Variants in GLRB observed in about 807,000 individuals in gnomAD.
GLRB encodes glycine receptor subunit beta.
GLRB carries 33 observed loss-of-function variants against 54.2 expected under a neutral mutation model. That is an observed-to-expected ratio of 0.61 (90% CI 0.46 to 0.81). GLRB has a LOEUF of 0.81. Among genes scored for constraint, GLRB ranks in the 40% least tolerant of loss-of-function variants. The pLI is 0.00. For synonymous variants in GLRB, 209 were observed against 208.2 expected, an observed-to-expected ratio of 1.00 and a Z score of -0.03; for missense variants, 572 against 584.6, an observed-to-expected ratio of 0.98 and a Z score of 0.22.
intron 5 of GLRB, 52 bp downstream of exon 5, chr4:157,136,750 A>T (rs757629014): frequency 3.3e-6 from 5 of 1,505,690 alleles, no homozygotes; most frequent in African/African-American, 1.4e-5. Flanking sequence ...TCTAAAATCA[A>T]TGGATGACAG....
At chr4:157,148,807 A>T (rs1180885164) in intron 8 of GLRB, among the ~76,000 whole-genome samples, 3 of 151,008 alleles carry the variant, frequency 2.0e-5, no homozygotes, top group African/African-American at 7.4e-5. Context: ...AGTGTGTATT[A>T]GTCATTGTTT....
At chr4:157,150,504 C>T (rs1003572303) in intron 8 of GLRB, among the ~76,000 whole-genome samples, 15 of 152,034 alleles carry the variant, frequency 9.9e-5, no homozygotes, top group Non-Finnish European at 1.8e-4. Flanking sequence ...AATCAGTCCC[C>T]CTTTTCTGAC....
intron 2 of GLRB, among the ~76,000 whole-genome samples, chr4:157,084,357 T>C (rs1375219447): frequency 6.6e-6 from 1 of 152,168 alleles, no homozygotes; most frequent in East Asian, 1.9e-4. Flanking sequence ...CTCACCTCTT[T>C]TCTCCCATTT....
chr4:157,126,780 T>C (rs1239147668), intron 4 of GLRB, among the ~76,000 whole-genome samples: 1 of 151,906 alleles, frequency 6.6e-6, no homozygotes, highest in Non-Finnish European at 1.5e-5. Flanking sequence ...ATCGAACTTA[T>C]GTAGGGAAAA....
chr4:157,106,159 A>G (rs1441671175), intron 2 of GLRB, among the ~76,000 whole-genome samples: 2 of 152,076 alleles, frequency 1.3e-5, no homozygotes, highest in African/African-American at 4.8e-5. Flanking sequence ...TGCCATGTAG[A>G]GTACTCTTGG....
intron 2 of GLRB, among the ~76,000 whole-genome samples, chr4:157,087,894 T>A (rs903968486): frequency 6.6e-6 from 1 of 152,092 alleles, no homozygotes; most frequent in Non-Finnish European, 1.5e-5. Context: ...AATAGACATA[T>A]CATTGCTCTG....
chr4:157,155,331 A>C (rs1279929764), intron 9 of GLRB, among the ~76,000 whole-genome samples: 1 of 152,110 alleles, frequency 6.6e-6, no homozygotes, highest in Admixed American at 6.6e-5. Context: ...GGGTTTCCTC[A>C]TGTTGGCCAG....
chr4:157,168,935 C>T (rs1006567574), intron 9 of GLRB, among the ~76,000 whole-genome samples: 5 of 151,946 alleles, frequency 3.3e-5, no homozygotes, highest in African/African-American at 9.7e-5. Flanking sequence ...GTCACTTTAT[C>T]TTGGGCATTT....
At chr4:157,105,912 C>G (rs1157755656) in intron 2 of GLRB, among the ~76,000 whole-genome samples, 3 of 151,962 alleles carry the variant, frequency 2.0e-5, no homozygotes, top group Non-Finnish European at 4.4e-5. Context: ...GAAAGTAGAT[C>G]TCTTTTTTAA....
At chr4:157,103,774 T>C (rs1735123931) in intron 2 of GLRB, among the ~76,000 whole-genome samples, 1 of 152,204 alleles carries the variant, frequency 6.6e-6, no homozygotes. Context: ...GTTAAGGTTA[T>C]TCCTAAATAT....
intron 2 of GLRB, among the ~76,000 whole-genome samples, chr4:157,109,246 G>T (rs1167427222): frequency 6.6e-6 from 1 of 151,954 alleles, no homozygotes; most frequent in African/African-American, 2.4e-5. Context: ...AATACAATTT[G>T]TGTGTATTAC....
At chr4:157,123,773 C>G (rs1735916896) in intron 4 of GLRB, among the ~76,000 whole-genome samples, 2 of 151,694 alleles carry the variant, frequency 1.3e-5, no homozygotes, top group Non-Finnish European at 1.5e-5. Context: ...GATCTCCACA[C>G]CCTGTTCTGT....
chr4:157,105,914 C>A (rs1386084595), intron 2 of GLRB, among the ~76,000 whole-genome samples: 2 of 151,898 alleles, frequency 1.3e-5, no homozygotes, highest in African/African-American at 2.4e-5. Context: ...AAGTAGATCT[C>A]TTTTTTAAAA....
intron 2 of GLRB, among the ~76,000 whole-genome samples, chr4:157,110,395 A>T (rs1735374595): frequency 6.6e-6 from 1 of 151,472 alleles, no homozygotes; most frequent in Non-Finnish European, 1.5e-5. Context: ...ATGTTTGCTC[A>T]TTCTTTCTTC....
At chr4:157,101,043 T>G (rs116759329) in intron 2 of GLRB, among the ~76,000 whole-genome samples, 142 of 152,296 alleles carry the variant, frequency 9.3e-4, no homozygotes, top group Non-Finnish European at 1.8e-3. Context: ...CATGTGGCAG[T>G]CTTCAGACTG....
At chr4:157,137,844 A>G (rs989465886) in intron 6 of GLRB, among the ~76,000 whole-genome samples, 7 of 152,208 alleles carry the variant, frequency 4.6e-5, no homozygotes, top group African/African-American at 1.7e-4. Flanking sequence ...TGATCCCATT[A>G]CTGGATGCAC....
intron 9 of GLRB, among the ~76,000 whole-genome samples, chr4:157,153,942 C>T (rs112727880): frequency 2.6e-4 from 40 of 152,146 alleles, no homozygotes; most frequent in Non-Finnish European, 5.1e-4. Context: ...ATACCGCATG[C>T]GGTTCTTAGA....
chr4:157,147,487 A>G lies in GLRB; in HGVS notation c.904+3528A>G, dbSNP rs896070567. On this transcript the variant is annotated intron_variant, in intron 8 of 9. Transcript: ENST00000264428. Reference sequence around the variant, plus strand: ...GATGAGGGGGGGATTGGAGATATTTAGTATACATAACTCATTGGAGGTTGT... The same window carrying G: ...GATGAGGGGGGGATTGGAGATATTTGGTATACATAACTCATTGGAGGTTGT... 2.6e-5 allele frequency among the ~76,000 whole-genome samples: 4 copies of G among 152,208 alleles called. No individual in the cohort carries two copies. In the South Asian group the frequency reaches 8.3e-4, roughly 31 times the overall value.
intron 9 of GLRB, among the ~76,000 whole-genome samples, chr4:157,159,836 T>C (rs1033786932): frequency 2.0e-5 from 3 of 152,216 alleles, no homozygotes; most frequent in African/African-American, 7.2e-5. Context: ...ATCAGGATGA[T>C]GTTGGCCTCA....
Sources: gnomAD v4.1 joint callset for allele counts (sites outside exome capture counted in the v4.1 genomes callset) on GRCh38, gnomAD v4.1.1 for gene constraint, MANE v1.5 for transcripts, NCBI Gene and HGNC (gene_info 2026-07-23, HGNC 2026-07-21) for gene names.